The following NALF1 variants were observed in gnomAD, a reference collection of about 807,000 sequenced individuals.
NALF1 encodes NALCN channel auxiliary factor 1, also known as family with sequence similarity 155 member A.
Under a neutral mutation model 48.4 loss-of-function variants are expected in NALF1, and 3 were observed. That is an observed-to-expected ratio of 0.06 (90% CI 0.03 to 0.16). The LOEUF (loss-of-function observed/expected upper bound fraction) is 0.16, where lower values mean the gene tolerates loss of function less well. Ranked by LOEUF, NALF1 falls within the 10% of genes least tolerant of loss-of-function variation. The pLI, the probability that NALF1 is intolerant of heterozygous loss-of-function variation, is 1.00. For missense variants in NALF1, 526 were observed against 571.5 expected (o/e 0.92, Z 0.81); for synonymous variants, 262 against 245.7 (o/e 1.07, Z -0.62).
chr13:107,565,193 G>T (rs571901906), intron 1 of NALF1, among the ~76,000 whole-genome samples: 2 of 142,698 alleles, frequency 1.4e-5, no homozygotes, highest in South Asian at 2.3e-4. Flanking sequence ...TGAGAGAAAA[G>T]ACAAAAATGA....
At chr13:107,526,197 C>T (rs1225965990) in intron 1 of NALF1, among the ~76,000 whole-genome samples, 3 of 152,066 alleles carry the variant, frequency 2.0e-5, no homozygotes, top group African/African-American at 7.2e-5. Flanking sequence ...ACTTCTCCAT[C>T]TCTATTTTCT....
chr13:107,456,831 G>A (rs185699827), intron 1 of NALF1, among the ~76,000 whole-genome samples: 11 of 152,156 alleles, frequency 7.2e-5, no homozygotes, highest in Non-Finnish European at 1.3e-4. Flanking sequence ...TTCCTTAAGA[G>A]GTAAGAGTTG....
chr13:107,317,838 G>T (rs1012570329), intron 1 of NALF1, among the ~76,000 whole-genome samples: 2 of 151,856 alleles, frequency 1.3e-5, no homozygotes, highest in Admixed American at 1.3e-4. Context: ...TAAAACATAA[G>T]ATATAGAATT....
intron 1 of NALF1, among the ~76,000 whole-genome samples, chr13:107,705,379 T>C (rs1881922900): frequency 6.6e-6 from 1 of 152,262 alleles, no homozygotes. Context: ...TTACTGCAGT[T>C]AGAACCAGCA....
chr13:107,823,437 T>C (rs568688900), intron 1 of NALF1, among the ~76,000 whole-genome samples: 2 of 152,222 alleles, frequency 1.3e-5, no homozygotes, highest in Admixed American at 1.3e-4. Context: ...CTCCACAATT[T>C]CCCAGTTTTC....
intron 1 of NALF1, among the ~76,000 whole-genome samples, chr13:107,556,352 G>T (rs9520488): frequency 0.3 from 39,081 of 131,640 alleles, 5,556 homozygotes; most frequent in East Asian, 0.53. Context: ...TATATATATA[G>T]AGAGAGAGAG....
At chr13:107,377,591 A>G (rs1375156546) in intron 1 of NALF1, among the ~76,000 whole-genome samples, 1 of 152,168 alleles carries the variant, frequency 6.6e-6, no homozygotes, top group Non-Finnish European at 1.5e-5. Context: ...AGGCAACATA[A>G]GGAAATACTG....
intron 1 of NALF1, among the ~76,000 whole-genome samples, chr13:107,286,470 TA>T (rs1052623922): frequency 4.0e-5 from 6 of 149,040 alleles, no homozygotes; most frequent in Non-Finnish European, 8.9e-5. Flanking sequence ...CCATCTCTAT[TA>T]AAAAAAATAC....
chr13:107,447,764 G>A (rs763104732), intron 1 of NALF1, among the ~76,000 whole-genome samples: 34 of 152,204 alleles, frequency 2.2e-4, no homozygotes, highest in East Asian at 5.8e-4. Flanking sequence ...CCTGCACGAC[G>A]CCAGACACCC....
At chr13:107,483,068 A>G (rs1356469112) in intron 1 of NALF1, among the ~76,000 whole-genome samples, 1 of 151,884 alleles carries the variant, frequency 6.6e-6, no homozygotes. Context: ...ATTGATGTCT[A>G]CCTCCCAAAT....
At chr13:107,210,299 A>T (rs1879734622) in intron 2 of NALF1, among the ~76,000 whole-genome samples, 1 of 152,206 alleles carries the variant, frequency 6.6e-6, no homozygotes, top group African/African-American at 2.4e-5. Flanking sequence ...ACTAGGTCAC[A>T]TGTAAGTATA....
chr13:107,284,875 A>C (rs1408403583), intron 1 of NALF1, among the ~76,000 whole-genome samples: 1 of 151,262 alleles, frequency 6.6e-6, no homozygotes, highest in Non-Finnish European at 1.5e-5. Context: ...AGCCGCGAGA[A>C]GTTCATTTCT....
intron 1 of NALF1, among the ~76,000 whole-genome samples, chr13:107,217,050 C>T (rs1879888235): frequency 6.6e-6 from 1 of 152,200 alleles, no homozygotes; most frequent in African/African-American, 2.4e-5. Flanking sequence ...ACAGAGGCAA[C>T]TTAGTTTTCT....
chr13:107,195,164 C>T (rs1020294217), intron 2 of NALF1, among the ~76,000 whole-genome samples: 5 of 152,022 alleles, frequency 3.3e-5, no homozygotes, highest in African/African-American at 1.2e-4. Flanking sequence ...GTGGAGGTTC[C>T]TTAAAGAACT....
At chr13:107,859,543 T>C (rs1051294671) in intron 1 of NALF1, among the ~76,000 whole-genome samples, 1 of 152,180 alleles carries the variant, frequency 6.6e-6, no homozygotes, top group African/African-American at 2.4e-5. Context: ...ACAATACAAC[T>C]GTAAGTCATT....
chr13:107,328,868 C>T (rs1017829042), intron 1 of NALF1, among the ~76,000 whole-genome samples: 2 of 152,192 alleles, frequency 1.3e-5, no homozygotes, highest in African/African-American at 2.4e-5. Flanking sequence ...ACCATCACAA[C>T]TCCAATGCAA....
intron 1 of NALF1, among the ~76,000 whole-genome samples, chr13:107,683,946 T>A (rs1311733440): frequency 6.6e-6 from 1 of 152,230 alleles, no homozygotes; most frequent in Admixed American, 6.5e-5. Flanking sequence ...AGTACTCAAA[T>A]GTCCTTGCTC....
chr13:107,508,892 T>G (rs1939746505), intron 1 of NALF1, among the ~76,000 whole-genome samples: 2 of 152,168 alleles, frequency 1.3e-5, no homozygotes, highest in South Asian at 4.1e-4. Context: ...CTTTCCCTGC[T>G]AAATTTAAAA....
chr13:107,648,757 A>C (rs1056865743), intron 1 of NALF1, among the ~76,000 whole-genome samples: 3 of 152,158 alleles, frequency 2.0e-5, no homozygotes, highest in South Asian at 2.1e-4. Context: ...GAAACTCTCA[A>C]ATCATATTTC....
Sources: gnomAD v4.1 joint callset for allele counts (sites outside exome capture counted in the v4.1 genomes callset) on GRCh38, gnomAD v4.1.1 for gene constraint, MANE v1.5 for transcripts, NCBI Gene and HGNC (gene_info 2026-07-23, HGNC 2026-07-21) for gene names.